WDR49: variants seen among roughly 807,000 people sequenced by gnomAD.
The protein encoded by WDR49 is WD repeat domain 49.
Under a neutral mutation model 119.5 loss-of-function variants are expected in WDR49, and 107 were observed. The ratio of observed to expected loss-of-function variants is 0.90; its 90% CI spans 0.77 to 1.05. The LOEUF is 1.05. Among genes scored for constraint, WDR49 ranks in the 50% least tolerant of loss-of-function variants. The probability of loss-of-function intolerance (pLI) is 0.00; values close to 1 mark genes in which losing one functional copy is unlikely to be tolerated. For synonymous variants in WDR49, 425 were observed against 418.8 expected (o/e 1.01, Z -0.18); for missense variants, 1,240 against 1,220.5 (o/e 1.02, Z -0.24).
intron 11 of WDR49, among the ~76,000 whole-genome samples, chr3:167,536,089 G>C (rs947275729): frequency 1.4e-4 from 22 of 152,100 alleles, no homozygotes; most frequent in Non-Finnish European, 2.8e-4. Context: ...GGGGAGACAG[G>C]AGGGGTGAGA....
intron 15 of WDR49, among the ~76,000 whole-genome samples, chr3:167,526,396 T>C (rs186609953): frequency 3.9e-5 from 6 of 152,272 alleles, no homozygotes; most frequent in South Asian, 2.1e-4. Context: ...ACCCACTTGA[T>C]GACGTTTCGT....
chr3:167,625,181 T>C (rs184355988), intron 3 of WDR49, among the ~76,000 whole-genome samples: 50 of 152,104 alleles, frequency 3.3e-4, no homozygotes, highest in African/African-American at 1.2e-3. Flanking sequence ...TGATTTTAGG[T>C]CTGGCATAGG....
At chr3:167,517,116 G>A (rs1455827386) in intron 16 of WDR49, among the ~76,000 whole-genome samples, 1 of 152,074 alleles carries the variant, frequency 6.6e-6, no homozygotes, top group Non-Finnish European at 1.5e-5. Context: ...TACACTGTTG[G>A]TGGGACTGTA....
chr3:167,596,882 A>G (rs1390037373), intron 7 of WDR49, among the ~76,000 whole-genome samples: 1 of 149,632 alleles, frequency 6.7e-6, no homozygotes, highest in Non-Finnish European at 1.5e-5. Context: ...ATAAATAAAT[A>G]AATAAATAAA....
At chr3:167,550,256 G>T (rs919851959) in intron 10 of WDR49, among the ~76,000 whole-genome samples, 4 of 151,984 alleles carry the variant, frequency 2.6e-5, no homozygotes, top group Admixed American at 6.6e-5. Flanking sequence ...TTGCTGGGGA[G>T]GGCATTGAAT....
chr3:167,580,608 G>A (rs556706343), intron 7 of WDR49, among the ~76,000 whole-genome samples: 6 of 152,036 alleles, frequency 3.9e-5, no homozygotes, highest in African/African-American at 9.7e-5. Context: ...TAGTAATATC[G>A]CATAGCTTAG....
intron 8 of WDR49, chr3:167,575,229 G>T: frequency 1.0e-6 from 1 of 985,724 alleles, no homozygotes. Flanking sequence ...ATACCCACAG[G>T]CTGCCCCACA....
At chr3:167,652,781 TC>T (rs1460667956) in intron 2 of WDR49, among the ~76,000 whole-genome samples, 1 of 152,148 alleles carries the variant, frequency 6.6e-6, no homozygotes, top group Non-Finnish European at 1.5e-5. Flanking sequence ...AGTGCCAGAA[TC>T]AGCTTAGAAA....
intron 11 of WDR49, among the ~76,000 whole-genome samples, chr3:167,533,826 T>C (rs763842633): frequency 6.6e-6 from 1 of 151,962 alleles, no homozygotes; most frequent in African/African-American, 2.4e-5. Flanking sequence ...GCAGAGTGTC[T>C]ATGGTAAGGA....
At chr3:167,595,669 T>G (rs1715387400) in intron 7 of WDR49, among the ~76,000 whole-genome samples, 1 of 152,152 alleles carries the variant, frequency 6.6e-6, no homozygotes, top group Admixed American at 6.6e-5. Flanking sequence ...TAGCCATATG[T>G]AGAAAGCTGA....
chr3:167,615,432 G>A (rs540063803), intron 5 of WDR49, among the ~76,000 whole-genome samples: 2 of 143,638 alleles, frequency 1.4e-5, no homozygotes, highest in East Asian at 4.0e-4. Flanking sequence ...CACCACTCCC[G>A]GCTCTCCATT....
chr3:167,547,144 T>C (rs1173204933), intron 10 of WDR49, among the ~76,000 whole-genome samples: 1 of 151,908 alleles, frequency 6.6e-6, no homozygotes, highest in Non-Finnish European at 1.5e-5. Context: ...ATCCTAATAA[T>C]GGAAACCAAT....
chr3:167,487,307 G>T (rs532492014), intron 18 of WDR49, among the ~76,000 whole-genome samples: 5 of 152,232 alleles, frequency 3.3e-5, no homozygotes, highest in African/African-American at 1.2e-4. Flanking sequence ...AAATGGTGCT[G>T]AGATAACTGG....
intron 18 of WDR49, among the ~76,000 whole-genome samples, chr3:167,482,730 A>G (rs548487176): frequency 1.3e-4 from 20 of 152,070 alleles, no homozygotes; most frequent in Non-Finnish European, 2.9e-4. Flanking sequence ...TTTTGAAAAA[A>G]ATAACTTGCT....
chr3:167,548,862 G>A (rs1319516104), intron 10 of WDR49, among the ~76,000 whole-genome samples: 1 of 151,768 alleles, frequency 6.6e-6, no homozygotes, highest in Non-Finnish European at 1.5e-5. Context: ...CCCACAACAG[G>A]CCCCAGTGTG....
chr3:167,517,344 T>C (rs1003831544), intron 16 of WDR49, among the ~76,000 whole-genome samples: 2 of 151,916 alleles, frequency 1.3e-5, no homozygotes, highest in East Asian at 1.9e-4. Context: ...TGGAACAGAA[T>C]AGAGAACTAA....
At position 167,532,976 on chromosome 3, in the gene WDR49, C is replaced by T. The variant is rs1053623997; in HGVS notation, c.1956G>A (p.Gly652=). ...ATAGAACAATTTCTCCATCATAACT[C>T]CCTACACAAGACAGGATGGAGAATA... ...AFLPPQTLVT[G]SYDGEIVLWN... The change falls in exon 12 of 19, where the codon GGG becomes GGA. Residue 652 remains glycine (G), a splice_region_variant and synonymous_variant. Coordinates refer to ENST00000682715, the MANE Select transcript of WDR49 (RefSeq NM_001366157.1). 8.2e-6 allele frequency: 13 copies of T among 1,592,390 alleles called. No individual in the cohort carries two copies. Among genetic ancestry groups the T allele is most frequent in the African/African-American group, 2.7e-5 (2 of 74,532 alleles).
chr3:167,543,957 A>T (rs2108255804), intron 10 of WDR49, among the ~76,000 whole-genome samples: 1 of 152,124 alleles, frequency 6.6e-6, no homozygotes, highest in South Asian at 2.1e-4. Context: ...GAATTCAGTA[A>T]AGCTTCAGAA....
intron 10 of WDR49, among the ~76,000 whole-genome samples, chr3:167,553,234 C>T (rs192807375): frequency 1.5e-3 from 226 of 152,038 alleles, no homozygotes; most frequent in African/African-American, 5.3e-3. Context: ...GCTAAGGTAT[C>T]CAAGTCCTGA....
Sources: allele counts gnomAD v4.1 joint callset (sites outside exome capture counted in the v4.1 genomes callset), GRCh38; gene constraint gnomAD v4.1.1; transcripts MANE v1.5; gene names NCBI Gene and HGNC (gene_info 2026-07-23, HGNC 2026-07-21).